The following TRIM58 variants were observed in gnomAD, a reference collection of about 807,000 sequenced individuals.
TRIM58 encodes E3 ubiquitin-protein ligase TRIM58.
A neutral mutation model predicts 34.1 loss-of-function variants in TRIM58; 38 were observed. That is an observed-to-expected ratio of 1.12 (90% CI 0.86 to 1.46). The LOEUF (loss-of-function observed/expected upper bound fraction) is 1.46, where lower values mean the gene tolerates loss of function less well. Among genes scored for constraint, TRIM58 ranks in the 40% most tolerant of loss-of-function variants. The pLI is 0.00. For missense variants in TRIM58, 677 were observed against 642.0 expected (o/e 1.05, Z -0.59); for synonymous variants, 273 against 275.7 (o/e 0.99, Z 0.10).
chr1:247,877,292 G>T lies in TRIM58; in HGVS notation c.*803G>T, dbSNP rs1427053473. On this transcript the variant is annotated 3_prime_UTR_variant, in exon 6 of 6. Coordinates refer to ENST00000366481, the MANE Select transcript of TRIM58 (RefSeq NM_015431.4). ...TATTTACTAGTTATAAGACCTTAAG[G>T]CTGGGTGCAGTGGCTCACGCCTGTA... 1 of 152,098 alleles carries T rather than the reference G, an allele frequency of 6.6e-6. No individual in the cohort carries two copies. The highest frequency in any genetic ancestry group is 1.9e-4 in the East Asian group (1 of 5,190). The allele number at this position is 152,098 out of a possible 1,614,324, so 9.4% of individuals were successfully genotyped here. A position where few individuals can be genotyped will look rare whatever the true frequency, so the allele number is the denominator to read the frequency against.
In TRIM58 at chr1:247,878,705, C is replaced by T. The variant is rs1029507820; in HGVS notation, c.*2216C>T. ...AAGCCCTGGGTGGGAGGGAGAACACCTCCACATGTCTTCTACTCTCTCCAT... is the reference window on the plus strand; with the variant it reads ...AAGCCCTGGGTGGGAGGGAGAACACTTCCACATGTCTTCTACTCTCTCCAT... On this transcript the variant is annotated 3_prime_UTR_variant, in exon 6 of 6. Transcript: ENST00000366481. Among the ~76,000 whole-genome samples, 26 of 152,148 alleles carry T rather than the reference C, an allele frequency of 1.7e-4. No homozygotes were observed. The highest frequency in any genetic ancestry group is 6.0e-4 in the African/African-American group (25 of 41,434).
intron 5 of TRIM58, among the ~76,000 whole-genome samples, chr1:247,872,864 T>C (rs149391499): frequency 3.2e-4 from 48 of 152,254 alleles, no homozygotes; most frequent in South Asian, 2.5e-3. Flanking sequence ...TGGATGAGTG[T>C]TACCTTTGGA....
intron 5 of TRIM58, 68 bp from the exon 6 acceptor site, chr1:247,875,832 C>T (rs1558353653): frequency 1.5e-6 from 2 of 1,375,348 alleles, no homozygotes; most frequent in Non-Finnish European, 2.0e-6. Context: ...CTATTCTTTT[C>T]AGTGGTTTCC....
chr1:247,867,031 A>G (rs1663946374), intron 3 of TRIM58, among the ~76,000 whole-genome samples: 1 of 152,204 alleles, frequency 6.6e-6, no homozygotes, highest in African/African-American at 2.4e-5. Flanking sequence ...TAATAAATGT[A>G]TCACAGATAT....
rs1346166089 is a variant in TRIM58 at position 247,875,811 on chromosome 1, G to A, written c.872-89G>A. 18 of 1,112,404 alleles carry A rather than the reference G, an allele frequency of 1.6e-5. 1 individual carries two copies. The Admixed American group carries it at 4.7e-4, about 29-fold the overall frequency. The allele number at this position is 1,112,404 out of a possible 1,614,324, so 68.9% of individuals were successfully genotyped here. A position where few individuals can be genotyped will look rare whatever the true frequency, so the allele number is the denominator to read the frequency against. On this transcript the variant is annotated intron_variant, in intron 5 of 5. Coordinates refer to ENST00000366481, the MANE Select transcript of TRIM58 (RefSeq NM_015431.4). ...GAGTTAATAGAGAGAGAAAAGTGAG[G>A]AACTGTGGGACTATTCTTTTCAGTG...
Position 247,857,331 on chromosome 1 carries a change from G to A in TRIM58, c.85G>A (p.Val29Met), listed in dbSNP as rs868777584. 1 of 1,480,646 alleles carries A rather than the reference G, an allele frequency of 6.8e-7. No individual in the cohort carries two copies. The allele number at this position is 1,480,646 out of a possible 1,614,324, so 91.7% of individuals were successfully genotyped here. The change falls in exon 1 of 6, where the codon GTG becomes ATG. Residue 29 changes from valine (V) to methionine (M), a missense_variant. By Grantham distance (21) the Val-to-Met change is conservative. Coordinates refer to ENST00000366481, the MANE Select transcript of TRIM58 (RefSeq NM_015431.4). ...GGATTTCCTGCAGGAGCCGGTCAGCGTGGACTGCGGCCACAGCTTCTGCCT... is the reference window on the plus strand; with the variant it reads ...GGATTTCCTGCAGGAGCCGGTCAGCATGGACTGCGGCCACAGCTTCTGCCT... ...CLDFLQEPVSVDCGHSFCLRC... is the reference protein window; with the variant it reads ...CLDFLQEPVSMDCGHSFCLRC...
intron 2 of TRIM58, among the ~76,000 whole-genome samples, chr1:247,863,534 T>C (rs1193548698): frequency 6.6e-6 from 1 of 150,694 alleles, no homozygotes; most frequent in Admixed American, 6.6e-5. Context: ...CGAGACTCTG[T>C]CTCAAAAAAA....
chr1:247,857,192 C>A lies in TRIM58; in HGVS notation c.-55C>A. ...GCGTGGGCTCCTCCCCCTGTGCAGA[C>A]CGCGAGGGGAGACGGTGCGGGCGGC... is the stretch of plus-strand genomic sequence containing the variant. On this transcript the variant is annotated 5_prime_UTR_variant, in exon 1 of 6. Coordinates refer to ENST00000366481, the MANE Select transcript of TRIM58 (RefSeq NM_015431.4). 1 of 1,302,268 alleles carries A rather than the reference C, an allele frequency of 7.7e-7. No homozygotes were observed. 80.7% of individuals were successfully genotyped at this position (1,302,268 alleles called of 1,614,324 possible).
At chr1:247,867,571 G>C (rs888148500) in intron 3 of TRIM58, among the ~76,000 whole-genome samples, 3 of 152,130 alleles carry the variant, frequency 2.0e-5, no homozygotes, top group Non-Finnish European at 2.9e-5. Context: ...CAGGCGTGGT[G>C]GCGGGAGCCT....
Position 247,867,997 on chromosome 1 carries a change from A to C in TRIM58, c.805A>C (p.Ile269Leu). The change falls in exon 5 of 6, where the codon ATC becomes CTC. Residue 269 changes from isoleucine (I) to leucine (L), a missense_variant. Transcript: ENST00000366481. Reference sequence around the variant, plus strand: ...TGTCACAAGGCTGGAAGCAGAGAACATCCCCATGGAACTGAAGACAGCATG... The same window carrying C: ...TGTCACAAGGCTGGAAGCAGAGAACCTCCCCATGGAACTGAAGACAGCATG... Reference protein sequence around the residue: ...KAVTRLEAENIPMELKTACCI... With the variant: ...KAVTRLEAENLPMELKTACCI... The C allele has an allele frequency of 6.2e-7, 1 of 1,612,988 alleles. No homozygotes were observed. Among genetic ancestry groups the C allele is most frequent in the Non-Finnish European group, 8.5e-7 (1 of 1,179,724 alleles).
rs547466833 is a variant in TRIM58 at position 247,859,271 on chromosome 1, GAC to G, written c.421-1344_421-1343del. Among the ~76,000 whole-genome samples, 33 of 152,212 alleles carry G rather than the reference GAC, an allele frequency of 2.2e-4. 1 individual carries two copies. The South Asian group carries it at 6.4e-3, about 30-fold the overall frequency. On this transcript the variant is annotated intron_variant, in intron 1 of 5. Coordinates refer to ENST00000366481, the MANE Select transcript of TRIM58 (RefSeq NM_015431.4). Reference sequence around the variant, plus strand: ...TGTGCTACATCTCCTTGCTTTTGCTGACAGTTTCTTTGGCCTGAGGGAGCTTT... The same window carrying G: ...TGTGCTACATCTCCTTGCTTTTGCTGAGTTTCTTTGGCCTGAGGGAGCTTT...
At chr1:247,858,540 CTTAAAATTT>C (rs1031681157) in intron 1 of TRIM58, among the ~76,000 whole-genome samples, 3 of 152,094 alleles carry the variant, frequency 2.0e-5, no homozygotes, top group Non-Finnish European at 4.4e-5. Flanking sequence ...CAAATACTTT[CTTAAAATTT>C]TTATTTATTT....
In TRIM58 at chr1:247,864,900, G is replaced by A; in HGVS notation, c.712G>A (p.Glu238Lys). 6.2e-7 allele frequency: 1 copy of A among 1,601,542 alleles called. No individual in the cohort carries two copies. Among genetic ancestry groups the A allele is most frequent in the Non-Finnish European group, 8.5e-7 (1 of 1,175,126 alleles). Residue 238 changes from glutamate (E) to lysine (K), a missense_variant, in exon 3 of 6, where the codon GAG becomes AAG. Physicochemically the swap from Glu to Lys is moderately conservative, Grantham distance 56 (BLOSUM62 1). Transcript: ENST00000366481. ...GAAGGAGCTGGCGGATGAGCTGCAG[G>A]AGAGGTGCCAGCGCCCGGCCCTGGG... ...ALKELADELQ[E>K]RCQRPALGLL...
At chr1:247,858,145 G>T (rs1663684830) in intron 1 of TRIM58, among the ~76,000 whole-genome samples, 1 of 152,216 alleles carries the variant, frequency 6.6e-6, no homozygotes, top group African/African-American at 2.4e-5. Flanking sequence ...TTGTTAAGAA[G>T]AGTGTCGAGC....
chr1:247,872,225 A>G (rs1019917924), intron 5 of TRIM58, among the ~76,000 whole-genome samples: 7 of 152,246 alleles, frequency 4.6e-5, no homozygotes, highest in African/African-American at 1.7e-4. Flanking sequence ...GGATCACTCT[A>G]TATGCTTTCT....
intron 1 of TRIM58, among the ~76,000 whole-genome samples, chr1:247,858,786 A>G (rs1663702458): frequency 5.2e-5 from 5 of 96,482 alleles, no homozygotes; most frequent in Admixed American, 1.7e-4. Flanking sequence ...TTTGAGACGG[A>G]GTCTAGTTCT....
chr1:247,878,389 T>G lies in TRIM58; in HGVS notation c.*1900T>G, dbSNP rs1347961585. 6.6e-6 allele frequency among the ~76,000 whole-genome samples: 1 copy of G among 152,234 alleles called. No homozygotes were observed. The highest frequency in any genetic ancestry group is 1.5e-5 in the Non-Finnish European group (1 of 68,040). On this transcript the variant is annotated 3_prime_UTR_variant, in exon 6 of 6. Coordinates refer to ENST00000366481, the MANE Select transcript of TRIM58 (RefSeq NM_015431.4). ...GATTTTTTCGACTGACATCTTTAACTTACCTTCCAATCATATTACTAACGT... is the reference window on the plus strand; with the variant it reads ...GATTTTTTCGACTGACATCTTTAACGTACCTTCCAATCATATTACTAACGT...
intron 5 of TRIM58, among the ~76,000 whole-genome samples, chr1:247,870,465 G>A (rs111646454): frequency 7.3e-5 from 4 of 54,808 alleles, no homozygotes; most frequent in African/African-American, 1.0e-4. Context: ...TCAGAGTCAC[G>A]GCCACCCATA....
chr1:247,865,365 C>CT (rs1663896070), intron 3 of TRIM58, among the ~76,000 whole-genome samples: 1 of 152,210 alleles, frequency 6.6e-6, no homozygotes. Context: ...ACAAGCTACA[C>CT]TCTGCTGGCT....
Sources: allele counts gnomAD v4.1 joint callset (sites outside exome capture counted in the v4.1 genomes callset), GRCh38; gene constraint gnomAD v4.1.1; transcripts MANE v1.5; gene names NCBI Gene and HGNC (gene_info 2026-07-23, HGNC 2026-07-21).